PRKG1: variants seen among roughly 807,000 people sequenced by gnomAD.
PRKG1 encodes the protein protein kinase cGMP-dependent 1, also known as cGMP-dependent protein kinase 1.
PRKG1 carries 35 observed loss-of-function variants against 88.1 expected under a neutral mutation model. The ratio of observed to expected loss-of-function variants is 0.40; its 90% CI spans 0.30 to 0.53. The LOEUF is 0.53. PRKG1 is among the 20% of genes least tolerant of loss of function. The pLI is 0.59. For missense variants in PRKG1, 540 were observed against 839.8 expected (o/e 0.64, Z 4.41); for synonymous variants, 303 against 292.5 (o/e 1.04, Z -0.37).
At chr10:52,058,633 T>C (rs779329688) in intron 6 of PRKG1, among the ~76,000 whole-genome samples, 5 of 151,958 alleles carry the variant, frequency 3.3e-5, no homozygotes, top group Admixed American at 2.0e-4. Flanking sequence ...AGGGGAACCT[T>C]GACCTAGACT....
intron 2 of PRKG1, among the ~76,000 whole-genome samples, chr10:51,254,432 C>T (rs1839505254): frequency 6.6e-6 from 1 of 151,918 alleles, no homozygotes; most frequent in Admixed American, 6.6e-5. Context: ...TCCAAACCTT[C>T]CTATAGGGCT....
At chr10:51,471,127 C>CA (rs1313789339) in intron 3 of PRKG1, among the ~76,000 whole-genome samples, 2 of 149,946 alleles carry the variant, frequency 1.3e-5, no homozygotes, top group Non-Finnish European at 3.0e-5. Flanking sequence ...ATATTGGAAA[C>CA]AAAAATTTAA....
intron 7 of PRKG1, among the ~76,000 whole-genome samples, chr10:52,082,206 C>A (rs372024278): frequency 1.3e-5 from 2 of 152,212 alleles, no homozygotes; most frequent in African/African-American, 2.4e-5. Flanking sequence ...AGGGTAACCA[C>A]CCCCATGATT....
intron 3 of PRKG1, among the ~76,000 whole-genome samples, chr10:51,733,094 C>G (rs1002853895): frequency 1.3e-5 from 2 of 152,118 alleles, no homozygotes; most frequent in African/African-American, 4.8e-5. Context: ...ACACCTCTTT[C>G]TCTTGTCTCT....
intron 3 of PRKG1, among the ~76,000 whole-genome samples, chr10:51,598,413 A>G (rs1838511888): frequency 6.6e-6 from 1 of 152,196 alleles, no homozygotes; most frequent in Non-Finnish European, 1.5e-5. Context: ...AGCTAGGACT[A>G]CAGGTGCGTG....
chr10:51,204,494 C>G (rs930788838), intron 2 of PRKG1, among the ~76,000 whole-genome samples: 6 of 151,838 alleles, frequency 4.0e-5, no homozygotes, highest in African/African-American at 1.5e-4. Context: ...TATACTTGTT[C>G]TATGCTTTTT....
intron 4 of PRKG1, among the ~76,000 whole-genome samples, chr10:51,844,886 G>A (rs1299483092): frequency 6.6e-6 from 1 of 151,998 alleles, no homozygotes; most frequent in Non-Finnish European, 1.5e-5. Context: ...GTGGATTATT[G>A]GTCCACAGTA....
At chr10:51,272,233 T>C (rs917222058) in intron 2 of PRKG1, among the ~76,000 whole-genome samples, 8 of 152,196 alleles carry the variant, frequency 5.3e-5, no homozygotes, top group Non-Finnish European at 1.2e-4. Context: ...AAAGTGTCTG[T>C]TCATTTCCTT....
At chr10:51,109,961 TAAGC>T (rs1463557031) in intron 1 of PRKG1, among the ~76,000 whole-genome samples, 1 of 151,862 alleles carries the variant, frequency 6.6e-6, no homozygotes, top group Non-Finnish European at 1.5e-5. Context: ...GAAAAGCAAA[TAAGC>T]ATATGAACAA....
intron 1 of PRKG1, among the ~76,000 whole-genome samples, chr10:51,026,429 C>T (rs552170038): frequency 1.6e-4 from 25 of 152,290 alleles, no homozygotes; most frequent in African/African-American, 6.0e-4. Context: ...TCAGCTAATA[C>T]TCACAAAACA....
intron 3 of PRKG1, among the ~76,000 whole-genome samples, chr10:51,576,476 T>A (rs955366348): frequency 2.0e-5 from 3 of 151,986 alleles, no homozygotes; most frequent in Non-Finnish European, 2.9e-5. Flanking sequence ...ATGTGTTATG[T>A]CCTATTTCAC....
intron 2 of PRKG1, among the ~76,000 whole-genome samples, chr10:51,417,712 G>A (rs918632052): frequency 6.6e-6 from 1 of 151,968 alleles, no homozygotes; most frequent in African/African-American, 2.4e-5. Context: ...GCCATTTTTG[G>A]TATGTGATTG....
intron 2 of PRKG1, among the ~76,000 whole-genome samples, chr10:51,452,121 A>C (rs1325495689): frequency 1.3e-5 from 2 of 151,906 alleles, no homozygotes; most frequent in Non-Finnish European, 2.9e-5. Context: ...TTTAGCATAT[A>C]AACAAACTTG....
intron 3 of PRKG1, among the ~76,000 whole-genome samples, chr10:51,643,932 G>A (rs1326899604): frequency 3.3e-5 from 5 of 151,942 alleles, no homozygotes; most frequent in South Asian, 2.1e-4. Context: ...CCCCATCCAC[G>A]TCCCCAGCCT....
chr10:52,145,373 A>G (rs1837703262), intron 8 of PRKG1, among the ~76,000 whole-genome samples: 2 of 152,354 alleles, frequency 1.3e-5, no homozygotes, highest in Non-Finnish European at 2.9e-5. Flanking sequence ...AACAAGTTGT[A>G]TGAGTGAATA....
At chr10:51,955,196 C>G (rs1195729910) in intron 5 of PRKG1, among the ~76,000 whole-genome samples, 1 of 152,084 alleles carries the variant, frequency 6.6e-6, no homozygotes, top group East Asian at 1.9e-4. Flanking sequence ...AAATTGGTCT[C>G]TAGCCTGAGC....
chr10:51,978,123 A>G (rs1387285340), intron 5 of PRKG1, among the ~76,000 whole-genome samples: 4 of 151,636 alleles, frequency 2.6e-5, no homozygotes, highest in African/African-American at 7.3e-5. Flanking sequence ...TAAGTCTTTA[A>G]TCTACCTTGA....
chr10:52,141,317 T>G (rs1837575399), intron 8 of PRKG1, among the ~76,000 whole-genome samples: 1 of 152,152 alleles, frequency 6.6e-6, no homozygotes, highest in Non-Finnish European at 1.5e-5. Context: ...GAGTATACCC[T>G]GAGACAACAT....
chr10:51,636,748 C>T (rs1272434720), intron 3 of PRKG1, among the ~76,000 whole-genome samples: 1 of 152,146 alleles, frequency 6.6e-6, no homozygotes, highest in African/African-American at 2.4e-5. Context: ...GCTGATTCAG[C>T]TTATGGCTTT....
Sources: gnomAD v4.1 joint callset for allele counts (sites outside exome capture counted in the v4.1 genomes callset) on GRCh38, gnomAD v4.1.1 for gene constraint, MANE v1.5 for transcripts, NCBI Gene and HGNC (gene_info 2026-07-23, HGNC 2026-07-21) for gene names.